The following OTOGL variants were observed in gnomAD, a reference collection of about 807,000 sequenced individuals.
OTOGL encodes otogelin-like protein.
OTOGL carries 285 observed loss-of-function variants against 318.5 expected under a neutral mutation model. The observed-to-expected ratio is 0.89, with a 90% confidence interval of 0.81 to 0.99. The LOEUF is 0.99. OTOGL is among the 50% of genes least tolerant of loss of function. OTOGL has a pLI of 0.00. For synonymous variants in OTOGL, 987 were observed against 936.5 expected, an observed-to-expected ratio of 1.05 and a Z score of -0.99; for missense variants, 2,899 against 2,845.6, an observed-to-expected ratio of 1.02 and a Z score of -0.43.
chr12:80,146,404 A>G (rs1207095727), intron 1 of OTOGL, among the ~76,000 whole-genome samples: 1 of 151,050 alleles, frequency 6.6e-6, no homozygotes, highest in African/African-American at 2.5e-5. Flanking sequence ...CCCAGGGATG[A>G]AGCCCTCTTG....
chr12:80,209,474 A>G lies in OTOGL; in HGVS notation c.43A>G (p.Ile15Val). The G allele has an allele frequency of 6.6e-7, 1 of 1,515,812 alleles. No individual in the cohort carries two copies. The highest frequency in any genetic ancestry group is 8.8e-7 in the Non-Finnish European group (1 of 1,131,972). The allele number at this position is 1,515,812 out of a possible 1,614,324, so 93.9% of individuals were successfully genotyped here. ...ACTCAATTTAATGATACCTTGGAGT[A>G]TATTCTTGCTTCATGTACTGCTGTT... is the stretch of plus-strand genomic sequence containing the variant. ...RKLNLMIPWS[I>V]FLLHVLLFSL... The change falls in exon 2 of 59, where the codon ATA (isoleucine) becomes GTA (valine). Residue 15 changes from isoleucine to valine, a missense_variant. By Grantham distance (29) the Ile-to-Val change is conservative (BLOSUM62 3). Transcript: ENST00000547103.
intron 27 of OTOGL, among the ~76,000 whole-genome samples, chr12:80,300,748 G>A (rs1324980014): frequency 6.6e-6 from 1 of 152,148 alleles, no homozygotes. Flanking sequence ...TGGGAATGAG[G>A]CCATTACGCC....
In OTOGL at chr12:80,308,919, A is replaced by ACCGTCCAGCTT. The variant is rs1328609685; in HGVS notation, c.3334-1690_3334-1680dup. On this transcript the variant is annotated intron_variant, in intron 29 of 58. Transcript: ENST00000547103. ...TGCAGTGAGCCGAGATGGCAGCAGT[A>ACCGTCCAGCTT]CCGTCCAGCTTCGGCTCGGCATCAG... Among the ~76,000 whole-genome samples the ACCGTCCAGCTT allele has an allele frequency of 2.0e-5, 3 of 152,144 alleles. No individual in the cohort carries two copies. The East Asian group carries it at 5.8e-4, about 29-fold the overall frequency.
Position 80,239,279 on chromosome 12 carries a change from A to T in OTOGL, c.946-54A>T, listed in dbSNP as rs1325623682. ...AATAGATCTGTAAAAATAATAGAAGACTATACACATACCATGAAACATAGT... is the reference window on the plus strand; with the variant it reads ...AATAGATCTGTAAAAATAATAGAAGTCTATACACATACCATGAAACATAGT... On this transcript the variant is annotated intron_variant, in intron 10 of 58. Coordinates refer to ENST00000547103, the MANE Select transcript of OTOGL (RefSeq NM_001378609.3). 10 of 1,315,232 alleles carry T rather than the reference A, an allele frequency of 7.6e-6. No homozygotes were observed. The African/African-American group carries it at 1.3e-4, about 18-fold the overall frequency. 81.5% of individuals were successfully genotyped at this position (1,315,232 alleles called of 1,614,324 possible).
chr12:80,224,793 A>G (rs974845545), intron 7 of OTOGL, among the ~76,000 whole-genome samples: 1 of 151,970 alleles, frequency 6.6e-6, no homozygotes, highest in African/African-American at 2.4e-5. Flanking sequence ...AGACCCTGAA[A>G]CTTTTTAAGG....
chr12:80,148,149 C>T (rs1451284976), intron 1 of OTOGL, among the ~76,000 whole-genome samples: 11 of 151,444 alleles, frequency 7.3e-5, no homozygotes, highest in East Asian at 5.8e-4. Flanking sequence ...TTCCTAGTCT[C>T]GATGGTCTTT....
At chr12:80,139,828 A>G (rs1871812444) in intron 1 of OTOGL, among the ~76,000 whole-genome samples, 1 of 152,110 alleles carries the variant, frequency 6.6e-6, no homozygotes, top group Admixed American at 6.5e-5. Context: ...AGTTTAAACT[A>G]TCATATACGT....
In OTOGL at chr12:80,302,693, C is replaced by T; in HGVS notation, c.3123C>T (p.Tyr1041=). The part of the protein sequence containing the change: ...KSTYQLWKAG[Y]YIVVYFPEKD... Reference sequence around the variant, plus strand: ...CCTACCAGCTTTGGAAGGCTGGTTACTATATAGTAGTATACTTTCCAGAGA... The same window carrying T: ...CCTACCAGCTTTGGAAGGCTGGTTATTATATAGTAGTATACTTTCCAGAGA... Residue 1041 remains tyrosine (Y), a synonymous_variant, in exon 28 of 59, where the codon TAC becomes TAT. Coordinates refer to ENST00000547103, the MANE Select transcript of OTOGL (RefSeq NM_001378609.3). 6.7e-7 allele frequency: 1 copy of T among 1,494,874 alleles called. No individual in the cohort carries two copies. Among genetic ancestry groups the T allele is most frequent in the Non-Finnish European group, 8.9e-7 (1 of 1,124,180 alleles). 92.6% of individuals were successfully genotyped at this position (1,494,874 alleles called of 1,614,324 possible).
intron 1 of OTOGL, among the ~76,000 whole-genome samples, chr12:80,143,689 C>T (rs777992373): frequency 1.5e-4 from 23 of 152,072 alleles, no homozygotes; most frequent in African/African-American, 4.6e-4. Context: ...CAGAAGAAGA[C>T]GTTTGACGCA....
At chr12:80,313,661 G>T in intron 31 of OTOGL, 29 bp downstream of exon 31, 3 of 1,548,416 alleles carry the variant, frequency 1.9e-6, no homozygotes, top group Non-Finnish European at 2.6e-6. Context: ...ACATCATTAT[G>T]TAGAGAACTG....
chr12:80,124,001 T>A (rs1442654985), intron 1 of OTOGL, among the ~76,000 whole-genome samples: 1 of 152,220 alleles, frequency 6.6e-6, no homozygotes, highest in Non-Finnish European at 1.5e-5. Flanking sequence ...CTGCTCCCTC[T>A]GATGGTAGTT....
chr12:80,216,687 C>T (rs1048121994), intron 4 of OTOGL, among the ~76,000 whole-genome samples: 1 of 152,128 alleles, frequency 6.6e-6, no homozygotes, highest in Non-Finnish European at 1.5e-5. Context: ...TCCCCTTTTA[C>T]AGATGAGTAA....
intron 26 of OTOGL, among the ~76,000 whole-genome samples, chr12:80,293,511 C>T (rs1358484735): frequency 1.3e-5 from 2 of 152,172 alleles, no homozygotes; most frequent in Non-Finnish European, 2.9e-5. Context: ...CATGGATGAC[C>T]TGATGTCATT....
At chr12:80,240,033 C>T (rs1387982711) in intron 11 of OTOGL, among the ~76,000 whole-genome samples, 1 of 152,064 alleles carries the variant, frequency 6.6e-6, no homozygotes, top group Non-Finnish European at 1.5e-5. Flanking sequence ...CCAGTTTCAT[C>T]CATGTTGTTG....
At chr12:80,163,432 T>TCA (rs920528908) in intron 1 of OTOGL, among the ~76,000 whole-genome samples, 28 of 152,202 alleles carry the variant, frequency 1.8e-4, no homozygotes, top group African/African-American at 6.5e-4. Flanking sequence ...GTCTCCCTTT[T>TCA]CACAATGGAG....
At chr12:80,332,951 C>A in intron 37 of OTOGL, 54 bp from the exon 38 acceptor site, 1 of 1,388,712 alleles carries the variant, frequency 7.2e-7, no homozygotes, top group Non-Finnish European at 1.0e-6. Flanking sequence ...CATATCAATT[C>A]CATGCAAGAT....
chr12:80,283,907 C>T (rs772414338), intron 26 of OTOGL, among the ~76,000 whole-genome samples: 5 of 151,904 alleles, frequency 3.3e-5, no homozygotes, highest in East Asian at 1.9e-4. Flanking sequence ...ATGTGCAGAA[C>T]GTGCAGGTTT....
intron 1 of OTOGL, among the ~76,000 whole-genome samples, chr12:80,137,062 G>A (rs892369600): frequency 3.4e-4 from 51 of 152,092 alleles, no homozygotes; most frequent in African/African-American, 6.3e-4. Flanking sequence ...TTTCAGAAAC[G>A]AGATTTTACT....
At chr12:80,231,407 T>C (rs562779520) in intron 8 of OTOGL, among the ~76,000 whole-genome samples, 2 of 152,258 alleles carry the variant, frequency 1.3e-5, no homozygotes, top group South Asian at 2.1e-4. Context: ...AAATTTTTTG[T>C]GCAAATGGCT....
Sources: allele counts gnomAD v4.1 joint callset (sites outside exome capture counted in the v4.1 genomes callset), GRCh38; gene constraint gnomAD v4.1.1; transcripts MANE v1.5; gene names NCBI Gene and HGNC (gene_info 2026-07-23, HGNC 2026-07-21).